SDR16C5: variants seen among roughly 807,000 people sequenced by gnomAD.
SDR16C5 encodes epidermal retinol dehydrogenase 2.
A neutral mutation model predicts 27.7 loss-of-function variants in SDR16C5; 20 were observed. That is an observed-to-expected ratio of 0.72 (90% CI 0.51 to 1.05). The LOEUF (loss-of-function observed/expected upper bound fraction) is 1.05. Among genes scored for constraint, SDR16C5 ranks in the 50% least tolerant of loss-of-function variants. The probability of loss-of-function intolerance (pLI) is 0.00; values close to 1 mark genes in which losing one functional copy is unlikely to be tolerated. For missense variants in SDR16C5, 374 were observed against 366.3 expected (o/e 1.02, Z -0.17); for synonymous variants, 139 against 132.3 (o/e 1.05, Z -0.35).
At chr8:56,318,918 A>G (rs1815263735) in intron 1 of SDR16C5, among the ~76,000 whole-genome samples, 1 of 152,120 alleles carries the variant, frequency 6.6e-6, no homozygotes, top group Non-Finnish European at 1.5e-5. Context: ...AATTCCAGAT[A>G]TATCACTGAT....
Position 56,312,270 on chromosome 8 carries a change from C to G in SDR16C5, c.352G>C (p.Asp118His). Residue 118 changes from aspartate to histidine, a missense_variant, in exon 3 of 7, where the codon GAT (aspartate) becomes CAT (histidine). Transcript: ENST00000303749. ...VADQVKKEVG[D>H]VSILINNAGI... ...GCATTGTTGATTAGGATGGAAACAT[C>G]GCCGACTTCTTTTTTAACCTGAATT... 6.2e-7 allele frequency: 1 copy of G among 1,613,792 alleles called. No individual in the cohort carries two copies. The highest frequency in any genetic ancestry group is 1.1e-5 in the South Asian group (1 of 91,074).
chr8:56,305,730 A>G lies in SDR16C5; in HGVS notation c.711-8T>C. On this transcript the variant is annotated splice_polypyrimidine_tract_variant and splice_region_variant and intron_variant, in intron 5 of 6. Transcript: ENST00000303749. ...GGCAACAGAGAAGGACAGCTAGGATATAAAATGACAACAATTAAAAAAAAC... is the reference window on the plus strand; with the variant it reads ...GGCAACAGAGAAGGACAGCTAGGATGTAAAATGACAACAATTAAAAAAAAC... 6.4e-7 allele frequency: 1 copy of G among 1,571,492 alleles called. No homozygotes were observed. The highest frequency in any genetic ancestry group is 8.6e-7 in the Non-Finnish European group (1 of 1,168,354).
intron 1 of SDR16C5, among the ~76,000 whole-genome samples, chr8:56,318,452 G>A (rs1563445755): frequency 1.3e-5 from 2 of 152,132 alleles, no homozygotes; most frequent in South Asian, 4.1e-4. Context: ...CAAGGATGAG[G>A]GTCAGACTGT....
At chr8:56,314,232 C>A (rs938834236) in intron 2 of SDR16C5, among the ~76,000 whole-genome samples, 5 of 151,930 alleles carry the variant, frequency 3.3e-5, no homozygotes, top group African/African-American at 1.2e-4. Flanking sequence ...TGGTACTTTC[C>A]TTTCTATCCA....
rs143905679 is a variant in SDR16C5 at position 56,302,598 on chromosome 8, G to A, written c.837-1025C>T. Among the ~76,000 whole-genome samples the A allele has an allele frequency of 4.6e-5, 7 of 151,778 alleles. No homozygotes were observed. The East Asian group carries it at 7.8e-4, about 17-fold the overall frequency. On this transcript the variant is annotated intron_variant, in intron 6 of 6. Coordinates refer to ENST00000303749, the MANE Select transcript of SDR16C5 (RefSeq NM_138969.4). ...TGAGGCAGGAGAATCACTTGAACCC[G>A]GGAGGTGGGGGTTGCAGTGAGGCAT...
chr8:56,308,954 C>T lies in SDR16C5; in HGVS notation c.539G>A (p.Gly180Glu), dbSNP rs140271354. The T allele has an allele frequency of 3.5e-5, 57 of 1,612,548 alleles. No homozygotes were observed. The highest frequency in any genetic ancestry group is 4.5e-5 in the Non-Finnish European group (53 of 1,179,426). ...GHLVCISSSA[G>E]LSGVNGLADY... Reference sequence around the variant, plus strand: ...TGCCAGCCCATTTACTCCACTTAATCCAGCTGAACTTGAAATGCAAACCAA... The same window carrying T: ...TGCCAGCCCATTTACTCCACTTAATTCAGCTGAACTTGAAATGCAAACCAA... Residue 180 changes from glycine to glutamate, a missense_variant, in exon 4 of 7, where the codon GGA becomes GAA. Transcript: ENST00000303749.
chr8:56,301,690 C>T, intron 6 of SDR16C5, 117 bp from the exon 7 acceptor site: 1 of 717,840 alleles, frequency 1.4e-6, no homozygotes, highest in Middle Eastern at 3.4e-4. Context: ...CTCATGCACA[C>T]ACTATGCAGC....
Position 56,301,085 on chromosome 8 carries a change from C to A in SDR16C5, c.*395G>T, listed in dbSNP as rs371630815. Reference sequence around the variant, plus strand: ...GAGAGAGGGCATTCTGGCTGGATATCCACATGTCCTCTTCGCCCCTCAGCC... The same window carrying A: ...GAGAGAGGGCATTCTGGCTGGATATACACATGTCCTCTTCGCCCCTCAGCC... On this transcript the variant is annotated 3_prime_UTR_variant, in exon 7 of 7. Coordinates refer to ENST00000303749, the MANE Select transcript of SDR16C5 (RefSeq NM_138969.4). The A allele has an allele frequency of 5.8e-6, 1 of 173,132 alleles. No individual in the cohort carries two copies. The highest frequency in any genetic ancestry group is 1.2e-5 in the Non-Finnish European group (1 of 80,714). The allele number at this position is 173,132 out of a possible 1,614,324, so 10.7% of individuals were successfully genotyped here.
Position 56,310,727 on chromosome 8 carries a change from AAAAG to A in SDR16C5, c.465+1426_465+1429del, listed in dbSNP as rs752797130. ...GTGATACTCTATCTCAAAAAAAAAA[AAAAG>A]AAAAAGAACACAAAGCCATGGGAGT... On this transcript the variant is annotated intron_variant, in intron 3 of 6. Transcript: ENST00000303749. Among the ~76,000 whole-genome samples, 632 of 129,490 alleles carry A rather than the reference AAAAG, an allele frequency of 4.9e-3. 10 individuals carry two copies. Among genetic ancestry groups the A allele is most frequent in the East Asian group, 0.022 (99 of 4,420 alleles). The allele number at this position is 129,490 out of a possible 152,430, so 85.0% of individuals were successfully genotyped here. A position where few individuals can be genotyped will look rare whatever the true frequency, so the allele number is the denominator to read the frequency against.
At chr8:56,304,159 G>T (rs1814827325) in intron 6 of SDR16C5, 4 of 680,476 alleles carry the variant, frequency 5.9e-6, no homozygotes, top group Admixed American at 2.1e-5. Context: ...AATGAGAAAA[G>T]AAATTTCTGT....
At chr8:56,315,658 G>A (rs937175648) in intron 2 of SDR16C5, among the ~76,000 whole-genome samples, 9 of 152,098 alleles carry the variant, frequency 5.9e-5, no homozygotes, top group African/African-American at 1.7e-4. Context: ...GGTATGGTCC[G>A]TGCAGTGTAA....
At chr8:56,312,354 C>T (rs555713473) in intron 2 of SDR16C5, 66 bp from the exon 3 acceptor site, 2 of 1,436,534 alleles carry the variant, frequency 1.4e-6, no homozygotes, top group East Asian at 2.3e-5. Flanking sequence ...TTTATTTTCC[C>T]AGAGTTTTAT....
chr8:56,312,290 T>G lies in SDR16C5; in HGVS notation c.334-2A>C. 6.2e-7 allele frequency: 1 copy of G among 1,612,844 alleles called. No individual in the cohort carries two copies. The highest frequency in any genetic ancestry group is 1.1e-5 in the South Asian group (1 of 91,054). ...AACATCGCCGACTTCTTTTTTAACC[T>G]GAATTGAATAAGAGCAACACCACCA... On this transcript the variant is annotated splice_acceptor_variant, in intron 2 of 6. Coordinates refer to ENST00000303749, the MANE Select transcript of SDR16C5 (RefSeq NM_138969.4). LOFTEE classifies it high-confidence loss of function.
rs1814749221 is a variant in SDR16C5, at chr8:56,301,356, CAGAAT to C, written c.*119_*123del. The C allele has an allele frequency of 1.7e-6, 1 of 592,736 alleles. No individual in the cohort carries two copies. Among genetic ancestry groups the C allele is most frequent in the Non-Finnish European group, 3.0e-6 (1 of 328,172 alleles). 36.7% of individuals were successfully genotyped at this position (592,736 alleles called of 1,614,324 possible). On this transcript the variant is annotated 3_prime_UTR_variant, in exon 7 of 7. Coordinates refer to ENST00000303749, the MANE Select transcript of SDR16C5 (RefSeq NM_138969.4). Reference sequence around the variant, plus strand: ...TGATTGAAAATTCTAGTCCAGATAACAGAATAGGAGTGGTACTTGTGGTCTCCAGA... The same window carrying C: ...TGATTGAAAATTCTAGTCCAGATAACAGGAGTGGTACTTGTGGTCTCCAGA...
intron 2 of SDR16C5, among the ~76,000 whole-genome samples, chr8:56,313,452 G>C (rs4738475): frequency 0.59 from 89,316 of 151,998 alleles, 26,298 homozygotes; most frequent in Admixed American, 0.67. Context: ...TAGATGTGTG[G>C]CTACTACACA....
At chr8:56,304,190 G>T in intron 6 of SDR16C5, 1 of 638,472 alleles carries the variant, frequency 1.6e-6, no homozygotes, top group South Asian at 1.8e-5. Flanking sequence ...GACAATGGCT[G>T]CTGGCCATGT....
At chr8:56,307,259 G>T (rs1484203788) in intron 4 of SDR16C5, among the ~76,000 whole-genome samples, 2 of 151,822 alleles carry the variant, frequency 1.3e-5, no homozygotes, top group Non-Finnish European at 2.9e-5. Context: ...ATTCTCAGAT[G>T]AAGTTTTCTT....
At chr8:56,318,944 G>A (rs1263613767) in intron 1 of SDR16C5, among the ~76,000 whole-genome samples, 1 of 152,050 alleles carries the variant, frequency 6.6e-6, no homozygotes, top group South Asian at 2.1e-4. Context: ...CTGCAACTTT[G>A]GTAGAAATGA....
At chr8:56,317,058 T>C (rs1463571798) in intron 1 of SDR16C5, among the ~76,000 whole-genome samples, 2 of 152,192 alleles carry the variant, frequency 1.3e-5, no homozygotes, top group African/African-American at 4.8e-5. Context: ...GAGGCAGACC[T>C]GGACTCCTGC....
Sources: gnomAD v4.1 joint callset for allele counts (sites outside exome capture counted in the v4.1 genomes callset) on GRCh38, gnomAD v4.1.1 for gene constraint, MANE v1.5 for transcripts, NCBI Gene and HGNC (gene_info 2026-07-23, HGNC 2026-07-21) for gene names.